The following EVC2 variants were observed in gnomAD, a reference collection of about 807,000 sequenced individuals.
EVC2 encodes the protein EvC ciliary complex subunit 2, also known as limbin.
In EVC2, 148 loss-of-function variants were observed where a neutral mutation model predicts 149.3. That is an observed-to-expected ratio of 0.99 (90% CI 0.87 to 1.14). The LOEUF is 1.14. Ranked by LOEUF, EVC2 falls within the 50% of genes most tolerant of loss-of-function variation. EVC2 has a pLI of 0.00. For synonymous variants in EVC2, 776 were observed against 649.9 expected (o/e 1.19, Z -2.95); for missense variants, 1,854 against 1,627.3 (o/e 1.14, Z -2.40).
At position 5,686,277 on chromosome 4, in the gene EVC2, C is replaced by T. The variant is rs377019706; in HGVS notation, c.707-798G>A. Among the ~76,000 whole-genome samples the T allele has an allele frequency of 8.6e-4, 131 of 152,144 alleles. 1 individual carries two copies. Among genetic ancestry groups the T allele is most frequent in the African/African-American group, 2.9e-3 (122 of 41,496 alleles). On this transcript the variant is annotated intron_variant, in intron 5 of 21. Transcript: ENST00000344408. This position sits in a 1 kb window ranked among gnomAD's most constrained non-coding sequence, Gnocchi z 5.4. The stretch of plus-strand genomic sequence containing the variant: ...CTCTCTATGTTGCCCAGACTAGTCT[C>T]GAACTCCCAGGCTCCAGTGATCCTC...
In EVC2 at chr4:5,636,456, C is replaced by T. The variant is rs73794687; in HGVS notation, c.1470+4058G>A. ...ACTATTTTTTTCTTGTTGTTATTCC[C>T]TAAACAACATTCCCTAAACTATTTT... On this transcript the variant is annotated intron_variant, in intron 10 of 21. Transcript: ENST00000344408. The surrounding 1 kb of genome is among the most constrained non-coding windows in gnomAD (Gnocchi z 4.6). Among the ~76,000 whole-genome samples, 966 of 152,240 alleles carry T rather than the reference C, an allele frequency of 6.3e-3. 16 individuals carry two copies. Among genetic ancestry groups the T allele is most frequent in the African/African-American group, 0.021 (855 of 41,558 alleles).
At chr4:5,549,411 G>A (rs1473375039) in intron 21 of EVC2, among the ~76,000 whole-genome samples, 5 of 152,234 alleles carry the variant, frequency 3.3e-5, no homozygotes, top group Non-Finnish European at 5.9e-5. Flanking sequence ...GCTAAGCAGA[G>A]CCTAACACAG....
At chr4:5,607,732 C>G (rs1187995067) in intron 16 of EVC2, among the ~76,000 whole-genome samples, 1 of 152,126 alleles carries the variant, frequency 6.6e-6, no homozygotes, top group Non-Finnish European at 1.5e-5. Flanking sequence ...GGTGGATTTT[C>G]TATCTGAAAG....
In EVC2 at chr4:5,636,599, G is replaced by A. The variant is rs539924667; in HGVS notation, c.1470+3915C>T. The stretch of plus-strand genomic sequence containing the variant: ...ATTTGTGTAGGTTATGTGCAAATAC[G>A]ACACCATTTTATAACAGAGACTTGA... On this transcript the variant is annotated intron_variant, in intron 10 of 21. Coordinates refer to ENST00000344408, the MANE Select transcript of EVC2 (RefSeq NM_147127.5). The surrounding 1 kb of genome is among the most constrained non-coding windows in gnomAD (Gnocchi z 4.6). Among the ~76,000 whole-genome samples, 2 of 152,148 alleles carry A rather than the reference G, an allele frequency of 1.3e-5. No homozygotes were observed. Among genetic ancestry groups the A allele is most frequent in the Non-Finnish European group, 2.9e-5 (2 of 68,020 alleles).
At chr4:5,537,682 A>T in the EVC2 span, among the ~76,000 whole-genome samples, 8 of 152,244 alleles carry the variant, frequency 5.3e-5, no homozygotes, top group African/African-American at 1.9e-4. Flanking sequence ...ATCAAGGAGT[A>T]CCGGGCAAGT....
In EVC2 at chr4:5,632,032, A is replaced by C; in HGVS notation, c.1471T>G (p.Ser491Ala). 6.2e-7 allele frequency: 1 copy of C among 1,613,968 alleles called. No homozygotes were observed. The highest frequency in any genetic ancestry group is 8.5e-7 in the Non-Finnish European group (1 of 1,179,936). Residue 491 changes from serine (S) to alanine (A), a missense_variant and splice_region_variant, in exon 11 of 22, where the codon TCT becomes GCT. By Grantham distance (99) the Ser-to-Ala change is moderately conservative (BLOSUM62 1). Transcript: ENST00000344408. The stretch of plus-strand genomic sequence containing the variant: ...AGAAGGTTGCTGCACTCTACAGCAG[A>C]CTGGAGAGAGGAAAGGGAGAGCGTG... ...EELLKRAGER[S>A]AVECSNLLRT...
At chr4:5,692,484 A>G (rs1047342794) in intron 3 of EVC2, among the ~76,000 whole-genome samples, 2 of 151,788 alleles carry the variant, frequency 1.3e-5, no homozygotes, top group African/African-American at 4.8e-5. Context: ...GAAGCTCGAG[A>G]CTCTCCCCAG....
intron 11 of EVC2, among the ~76,000 whole-genome samples, chr4:5,630,370 G>A (rs1716444837): frequency 1.3e-5 from 2 of 152,156 alleles, no homozygotes; most frequent in South Asian, 4.1e-4. Context: ...ACGCAGGGAA[G>A]GCCGCCTGTG....
At position 5,576,275 on chromosome 4, in the gene EVC2, G is replaced by C. The variant is rs748279631; in HGVS notation, c.3237C>G (p.Ser1079Arg). ...GTTGCTCCAGTAATGTCTGGCTCTT[G>C]CTCAGGGCTTGGTGCAGGACAGTAG... Reference protein sequence around the residue: ...QVSTVLHQALSKSQTLLEQHQ... With the variant: ...QVSTVLHQALRKSQTLLEQHQ... The change falls in exon 18 of 22, where the codon AGC (serine) becomes AGG (arginine). Residue 1079 changes from serine to arginine, a missense_variant. Transcript: ENST00000344408. This position sits in a 1 kb window ranked among gnomAD's most constrained non-coding sequence, Gnocchi z 4.5. 3.7e-6 allele frequency: 6 copies of C among 1,614,156 alleles called. No individual in the cohort carries two copies. The South Asian group carries it at 6.6e-5, about 18-fold the overall frequency.
At chr4:5,702,712 A>C (rs1287252694) in intron 1 of EVC2, among the ~76,000 whole-genome samples, 1 of 152,220 alleles carries the variant, frequency 6.6e-6, no homozygotes, top group East Asian at 1.9e-4. Flanking sequence ...TTGTAAGAAG[A>C]AGGGATGATA....
At chr4:5,544,081 A>G (rs1200331613) in intron 21 of EVC2, among the ~76,000 whole-genome samples, 1 of 152,170 alleles carries the variant, frequency 6.6e-6, no homozygotes, top group Non-Finnish European at 1.5e-5. Flanking sequence ...CACTTGCCAC[A>G]TGAAAACTGA....
rs548788066 is a variant in EVC2, at chr4:5,554,177, G to A, written c.3420-10965C>T. Among the ~76,000 whole-genome samples, 3 of 152,280 alleles carry A rather than the reference G, an allele frequency of 2.0e-5. No individual in the cohort carries two copies. In the East Asian group the frequency reaches 5.8e-4, roughly 29 times the overall value. ...AAAAAGTTGAGAAAACTGAAAATCA[G>A]TGTCTTTTCTTGGACCCATCCGAGA... On this transcript the variant is annotated intron_variant and NMD_transcript_variant, in intron 21 of 22. Coordinates refer to the EVC2 transcript ENST00000475313.
chr4:5,544,262 AG>A (rs1721571050), intron 21 of EVC2, among the ~76,000 whole-genome samples: 1 of 150,614 alleles, frequency 6.6e-6, no homozygotes, highest in Non-Finnish European at 1.5e-5. Context: ...AAAAAAAAAA[AG>A]AGAGAAAATT....
chr4:5,557,288 G>C (rs946026944), intron 21 of EVC2, among the ~76,000 whole-genome samples: 1 of 152,054 alleles, frequency 6.6e-6, no homozygotes, highest in Non-Finnish European at 1.5e-5. Context: ...TCATTTAATG[G>C]AATACATCAC....
intron 15 of EVC2, among the ~76,000 whole-genome samples, chr4:5,616,936 G>A (rs879368374): frequency 6.6e-6 from 1 of 152,160 alleles, no homozygotes; most frequent in Non-Finnish European, 1.5e-5. Context: ...TCAAGGCAGG[G>A]GAACCAGCGG....
intron 9 of EVC2, among the ~76,000 whole-genome samples, chr4:5,642,091 T>C (rs985209029): frequency 3.3e-5 from 5 of 152,104 alleles, no homozygotes; most frequent in African/African-American, 1.2e-4. Flanking sequence ...GCTTCATCCA[T>C]GTCCCTGCAA....
chr4:5,700,626 G>A (rs576812998), intron 1 of EVC2, among the ~76,000 whole-genome samples: 5 of 152,262 alleles, frequency 3.3e-5, no homozygotes, highest in African/African-American at 1.2e-4. Flanking sequence ...GGGCAGTCTC[G>A]CTGGTTTCTG....
At chr4:5,607,147 T>C (rs1440404068) in intron 16 of EVC2, among the ~76,000 whole-genome samples, 1 of 152,120 alleles carries the variant, frequency 6.6e-6, no homozygotes, top group African/African-American at 2.4e-5. Context: ...CACCATATGA[T>C]TTCTCTCCTA....
At position 5,648,960 on chromosome 4, in the gene EVC2, CAGGAT is replaced by C. The variant is rs1717917874; in HGVS notation, c.1146-8127_1146-8123del. 2.6e-5 allele frequency among the ~76,000 whole-genome samples: 4 copies of C among 152,326 alleles called. No individual in the cohort carries two copies. The South Asian group carries it at 8.3e-4, about 32-fold the overall frequency. On this transcript the variant is annotated intron_variant, in intron 9 of 21. Coordinates refer to ENST00000344408, the MANE Select transcript of EVC2 (RefSeq NM_147127.5). ...ATACTAAGAATTCTTCATTTCCATACAGGATCAGGTCCACTGGTGAAGACTTAAAT... is the reference window on the plus strand; with the variant it reads ...ATACTAAGAATTCTTCATTTCCATACCAGGTCCACTGGTGAAGACTTAAAT...
Sources: allele counts gnomAD v4.1 joint callset (sites outside exome capture counted in the v4.1 genomes callset), GRCh38; gene constraint gnomAD v4.1.1; non-coding constraint Gnocchi (gnomAD v3.1); transcripts MANE v1.5; gene names NCBI Gene and HGNC (gene_info 2026-07-23, HGNC 2026-07-21).